DCAF10: variants seen among roughly 807,000 people sequenced by gnomAD.
DCAF10 encodes DDB1 and CUL4 associated factor 10, also known as DDB1- and CUL4-associated factor 10.
DCAF10 carries 19 observed loss-of-function variants against 51.9 expected under a neutral mutation model. The observed-to-expected ratio is 0.37, with a 90% CI of 0.26 to 0.54. The LOEUF (loss-of-function observed/expected upper bound fraction) is 0.54, where lower values mean the gene tolerates loss of function less well. DCAF10 is among the 20% of genes least tolerant of loss of function. DCAF10 has a pLI of 0.87. For missense variants in DCAF10, 510 were observed against 730.6 expected (o/e 0.70, Z 3.48); for synonymous variants, 291 against 297.1 (o/e 0.98, Z 0.21).
intron 2 of DCAF10, among the ~76,000 whole-genome samples, chr9:37,825,495 TC>T (rs1829824760): frequency 6.6e-6 from 1 of 152,200 alleles, no homozygotes; most frequent in Non-Finnish European, 1.5e-5. Flanking sequence ...TACTGCATGT[TC>T]TCACTTAGAA....
At chr9:37,817,738 CA>C (rs112061947) in intron 1 of DCAF10, among the ~76,000 whole-genome samples, 35 of 143,656 alleles carry the variant, frequency 2.4e-4, no homozygotes, top group Admixed American at 4.2e-4. Flanking sequence ...CCATCTCCAC[CA>C]AAAAAAAAAG....
chr9:37,854,709 A>G, intron 3 of DCAF10, 71 bp from the exon 4 acceptor site: 1 of 1,453,740 alleles, frequency 6.9e-7, no homozygotes, highest in Non-Finnish European at 9.4e-7. Flanking sequence ...TGAAGGGCAA[A>G]AAATATGATT....
At chr9:37,842,375 A>G (rs1830359834) in intron 3 of DCAF10, 89 bp downstream of exon 3, 3 of 1,290,196 alleles carry the variant, frequency 2.3e-6, no homozygotes, top group South Asian at 1.6e-5. Flanking sequence ...TCCTAGCCTC[A>G]AGAAGGAAAC....
chr9:37,855,699 G>T (rs1726409), intron 4 of DCAF10, among the ~76,000 whole-genome samples: 52,156 of 151,806 alleles, frequency 0.34, 9,231 homozygotes, highest in Non-Finnish European at 0.39. Flanking sequence ...CTAATAAATT[G>T]CTATTAAAAG....
At chr9:37,841,286 T>C (rs1195013342) in intron 2 of DCAF10, among the ~76,000 whole-genome samples, 2 of 152,216 alleles carry the variant, frequency 1.3e-5, no homozygotes, top group African/African-American at 4.8e-5. Flanking sequence ...CAATTATATG[T>C]AAATTTATCT....
intron 2 of DCAF10, among the ~76,000 whole-genome samples, chr9:37,821,858 C>G (rs534978357): frequency 6.6e-6 from 1 of 151,984 alleles, no homozygotes; most frequent in African/African-American, 2.4e-5. Flanking sequence ...TCTTCGCAAT[C>G]TATACATCTG....
intron 1 of DCAF10, among the ~76,000 whole-genome samples, chr9:37,808,700 TA>T (rs1175840816): frequency 0.029 from 37 of 1,290 alleles, no homozygotes; most frequent in Non-Finnish European, 0.069. Flanking sequence ...TATATTTATA[TA>T]TTTATATTTA....
At chr9:37,802,887 A>G (rs1829001474) in intron 1 of DCAF10, among the ~76,000 whole-genome samples, 1 of 152,156 alleles carries the variant, frequency 6.6e-6, no homozygotes, top group South Asian at 2.1e-4. Context: ...TCTGTCCTCA[A>G]ATATTCAGTT....
intron 3 of DCAF10, among the ~76,000 whole-genome samples, chr9:37,846,089 T>C (rs1830464431): frequency 6.6e-6 from 1 of 152,168 alleles, no homozygotes; most frequent in African/African-American, 2.4e-5. Flanking sequence ...CAATCTGTAA[T>C]ATGAATGTAA....
chr9:37,811,124 G>A (rs1206100327), intron 1 of DCAF10, among the ~76,000 whole-genome samples: 4 of 152,096 alleles, frequency 2.6e-5, no homozygotes. Context: ...GAGGCCAGGA[G>A]TTGGAGACCA....
At chr9:37,858,827 G>A (rs898333486) in intron 5 of DCAF10, among the ~76,000 whole-genome samples, 2 of 152,186 alleles carry the variant, frequency 1.3e-5, no homozygotes, top group African/African-American at 4.8e-5. Flanking sequence ...TGGATTCTTA[G>A]AGATGTAGCA....
In DCAF10 at chr9:37,801,443, G is replaced by A. The variant is rs752571640; in HGVS notation, c.539+38G>A. On this transcript the variant is annotated intron_variant, in intron 1 of 6. Coordinates refer to ENST00000377724, the MANE Select transcript of DCAF10 (RefSeq NM_024345.5). This position sits in a 1 kb window ranked among gnomAD's most constrained non-coding sequence, Gnocchi z 5.5. Reference sequence around the variant, plus strand: ...CCTCGGAGGGCGGGCGCCCGCCTCCGCCCGGCTCTGCTGCCAGCGGACGGC... The same window carrying A: ...CCTCGGAGGGCGGGCGCCCGCCTCCACCCGGCTCTGCTGCCAGCGGACGGC... 2.1e-6 allele frequency: 3 copies of A among 1,396,952 alleles called. No individual in the cohort carries two copies. The highest frequency in any genetic ancestry group is 3.4e-5 in the Admixed American group (1 of 29,222). 86.5% of individuals were successfully genotyped at this position (1,396,952 alleles called of 1,614,324 possible).
At chr9:37,810,466 T>TC (rs773253138) in intron 1 of DCAF10, among the ~76,000 whole-genome samples, 1,951 of 135,400 alleles carry the variant, frequency 0.014, 24 homozygotes, top group Non-Finnish European at 0.024. Context: ...TTTCTTTCTT[T>TC]TTTTTTTTGA....
intron 3 of DCAF10, among the ~76,000 whole-genome samples, chr9:37,854,551 G>A (rs150856714): frequency 7.6e-4 from 115 of 152,150 alleles, no homozygotes; most frequent in African/African-American, 2.4e-3. Context: ...TGTAACAGTC[G>A]CTCTTCTAGC....
chr9:37,835,927 C>T, intron 2 of DCAF10: 1 of 1,147,730 alleles, frequency 8.7e-7, no homozygotes, highest in South Asian at 1.2e-5. Context: ...CATATTGGTA[C>T]TGAGAAGAAA....
chr9:37,800,931 C>T lies in DCAF10; in HGVS notation c.65C>T (p.Pro22Leu). The T allele has an allele frequency of 6.7e-7, 1 of 1,493,762 alleles. No individual in the cohort carries two copies. The highest frequency in any genetic ancestry group is 8.9e-7 in the Non-Finnish European group (1 of 1,129,272). 92.5% of individuals were successfully genotyped at this position (1,493,762 alleles called of 1,614,324 possible). Reference protein sequence around the residue: ...DGSAGAGAEEPTPHEGQAAAT... With the variant: ...DGSAGAGAEELTPHEGQAAAT... Reference sequence around the variant, plus strand: ...TCGGCCGGAGCCGGGGCTGAGGAGCCGACGCCCCACGAGGGGCAGGCAGCA... The same window carrying T: ...TCGGCCGGAGCCGGGGCTGAGGAGCTGACGCCCCACGAGGGGCAGGCAGCA... Residue 22 changes from proline (P) to leucine (L), a missense_variant, in exon 1 of 7, where the codon CCG becomes CTG. This residue lies in a region of DCAF10 where 251 missense variants were observed against 227.9 expected (regional missense o/e 1.10). Coordinates refer to ENST00000377724, the MANE Select transcript of DCAF10 (RefSeq NM_024345.5).
At chr9:37,856,787 C>CAA (rs142144243) in intron 4 of DCAF10, among the ~76,000 whole-genome samples, 1 of 149,310 alleles carries the variant, frequency 6.7e-6, no homozygotes, top group African/African-American at 2.5e-5. Context: ...ATCCTTGTCT[C>CAA]AAAAAAAAAG....
At chr9:37,822,200 CA>C (rs1353168925) in intron 2 of DCAF10, among the ~76,000 whole-genome samples, 802 of 151,950 alleles carry the variant, frequency 5.3e-3, no homozygotes, top group African/African-American at 0.018. Context: ...CTATGGAAAA[CA>C]GTGTGGAGAT....
chr9:37,856,787 C>CA (rs142144243), intron 4 of DCAF10, among the ~76,000 whole-genome samples: 1,890 of 149,408 alleles, frequency 0.013, 46 homozygotes, highest in East Asian at 0.11. Context: ...ATCCTTGTCT[C>CA]AAAAAAAAAG....
Sources: allele counts gnomAD v4.1 joint callset (sites outside exome capture counted in the v4.1 genomes callset), GRCh38; gene constraint gnomAD v4.1.1; regional missense constraint gnomAD v4.1.1; non-coding constraint Gnocchi (gnomAD v3.1); transcripts MANE v1.5; gene names NCBI Gene and HGNC (gene_info 2026-07-23, HGNC 2026-07-21).